WDR88: variants seen among roughly 807,000 people sequenced by gnomAD.
WDR88 encodes WD repeat-containing protein 88.
WDR88 carries 40 observed loss-of-function variants against 46.8 expected under a neutral mutation model. That is an observed-to-expected ratio of 0.86 (90% CI 0.66 to 1.11). The LOEUF (loss-of-function observed/expected upper bound fraction) is 1.11, where lower values mean the gene tolerates loss of function less well. Ranked by LOEUF, WDR88 falls within the 50% of genes most tolerant of loss-of-function variation. The pLI is 0.00. For missense variants in WDR88, 562 were observed against 602.4 expected, an observed-to-expected ratio of 0.93 and a Z score of 0.70; for synonymous variants, 235 against 240.7, an observed-to-expected ratio of 0.98 and a Z score of 0.22.
chr19:33,132,210 G>C lies in WDR88; in HGVS notation c.41G>C (p.Arg14Thr). 6.2e-7 allele frequency: 1 copy of C among 1,608,400 alleles called. No homozygotes were observed. Among genetic ancestry groups the C allele is most frequent in the Non-Finnish European group, 8.5e-7 (1 of 1,179,582 alleles). The change falls in exon 1 of 11, where the codon AGG (arginine) becomes ACG (threonine). Residue 14 changes from arginine (R) to threonine (T), a missense_variant. Arg to Thr is a moderately conservative substitution (Grantham distance 71). Transcript: ENST00000355868. ...PPRCSPTAHD[R>T]ECKLPPPSAP... ...CGGTGCTCCCCGACAGCCCATGACA[G>C]GGAATGCAAGTTGCCGCCACCCTCC...
chr19:33,174,149 A>C, intron 10 of WDR88: 1 of 1,535,868 alleles, frequency 6.5e-7, no homozygotes, highest in Non-Finnish European at 8.7e-7. Context: ...ATCCGCACCC[A>C]AACTGGGATC....
chr19:33,145,037 G>A, intron 3 of WDR88, 105 bp downstream of exon 3: 2 of 1,078,732 alleles, frequency 1.9e-6, no homozygotes, highest in Non-Finnish European at 2.8e-6. Flanking sequence ...AATAGATATG[G>A]GGTCTCACCA....
At chr19:33,137,624 T>C in intron 1 of WDR88, 53 bp from the exon 2 acceptor site, 2 of 1,441,402 alleles carry the variant, frequency 1.4e-6, no homozygotes, top group Admixed American at 3.6e-5. Context: ...CTGTTGTACA[T>C]TGATTTTGTG....
intron 6 of WDR88, among the ~76,000 whole-genome samples, chr19:33,155,020 A>G (rs1359462099): frequency 6.6e-6 from 1 of 152,216 alleles, no homozygotes. Context: ...TGCTTACAAG[A>G]GGAGGTGAGA....
intron 1 of WDR88, among the ~76,000 whole-genome samples, chr19:33,133,817 C>T (rs775206784): frequency 2.6e-5 from 4 of 152,182 alleles, no homozygotes; most frequent in African/African-American, 4.8e-5. Flanking sequence ...CACGGTATTG[C>T]GCTCTTGGGG....
intron 10 of WDR88, chr19:33,174,109 C>T: frequency 6.6e-7 from 1 of 1,510,404 alleles, no homozygotes; most frequent in Non-Finnish European, 8.9e-7. Flanking sequence ...GCCTCAGCCT[C>T]CCAAAGTGCT....
At chr19:33,140,932 T>TA (rs1156289115) in intron 2 of WDR88, among the ~76,000 whole-genome samples, 22 of 139,712 alleles carry the variant, frequency 1.6e-4, no homozygotes, top group African/African-American at 5.9e-4. Flanking sequence ...CTACCAAACT[T>TA]ACATTTTTTT....
At chr19:33,148,670 C>T in intron 4 of WDR88, 102 bp from the exon 5 acceptor site, 1 of 1,436,518 alleles carries the variant, frequency 7.0e-7, no homozygotes, top group Non-Finnish European at 9.6e-7. Context: ...GGCTCCTGGT[C>T]TCAAGCGATC....
chr19:33,169,566 C>T (rs1974003006), intron 9 of WDR88, among the ~76,000 whole-genome samples: 1 of 146,526 alleles, frequency 6.8e-6, no homozygotes, highest in Non-Finnish European at 1.5e-5. Context: ...ATTAGGGGGT[C>T]TATAATAAAA....
chr19:33,142,885 G>A (rs973705512), intron 2 of WDR88: 9 of 140,792 alleles, frequency 6.4e-5, no homozygotes, highest in East Asian at 2.1e-4. Context: ...AAAAAAGGCC[G>A]GGGGGCGGGA....
intron 7 of WDR88, among the ~76,000 whole-genome samples, chr19:33,160,084 G>A (rs925359971): frequency 6.6e-6 from 1 of 152,100 alleles, no homozygotes; most frequent in African/African-American, 2.4e-5. Context: ...GTGGTAATAC[G>A]AGCGATGGGG....
Position 33,148,879 on chromosome 19 carries a change from C to A in WDR88, c.648C>A (p.Ala216=). Residue 216 remains alanine (A), a synonymous_variant, in exon 5 of 11, where the codon GCC becomes GCA. Transcript: ENST00000355868. ...ATCATGGAATCTGCATAATGGACGC[C>A]GAGAACATCACCACCGTTTCCGTCA... The part of the protein sequence containing the change: ...DVDHGICIMD[A]ENITTVSVIK... 6.2e-7 allele frequency: 1 copy of A among 1,614,040 alleles called. No individual in the cohort carries two copies. The highest frequency in any genetic ancestry group is 8.5e-7 in the Non-Finnish European group (1 of 1,180,026).
chr19:33,170,719 G>A (rs73571959), intron 9 of WDR88, among the ~76,000 whole-genome samples: 3 of 151,850 alleles, frequency 2.0e-5, no homozygotes, highest in Non-Finnish European at 2.9e-5. Context: ...AATATTAGTG[G>A]GGTATGGTGG....
intron 9 of WDR88, among the ~76,000 whole-genome samples, chr19:33,171,729 G>C (rs1974041792): frequency 6.6e-6 from 1 of 151,992 alleles, no homozygotes; most frequent in Non-Finnish European, 1.5e-5. Flanking sequence ...GTATATTTTT[G>C]CCAAATGCAT....
In WDR88 at chr19:33,160,412, A is replaced by C. The variant is rs1419769231; in HGVS notation, c.998-2A>C. The C allele has an allele frequency of 1.9e-6, 3 of 1,613,984 alleles. No individual in the cohort carries two copies. In the African/African-American group the frequency reaches 4.0e-5, roughly 22 times the overall value. On this transcript the variant is annotated splice_acceptor_variant, in intron 7 of 10. Transcript: ENST00000355868. LOFTEE classifies it high-confidence loss of function. ...TCTCCACCCTTTCATTTTCTGTTGCAGGCTCTTTTCTCATTTCTGGAGGGT... is the reference window on the plus strand; with the variant it reads ...TCTCCACCCTTTCATTTTCTGTTGCCGGCTCTTTTCTCATTTCTGGAGGGT...
chr19:33,157,056 G>C (rs149026131), intron 7 of WDR88, among the ~76,000 whole-genome samples: 107 of 152,226 alleles, frequency 7.0e-4, no homozygotes, highest in Non-Finnish European at 1.2e-3. Context: ...AATTAGCTGG[G>C]TGTGGTGGTG....
chr19:33,149,448 C>T (rs575975346), intron 5 of WDR88, among the ~76,000 whole-genome samples: 1 of 152,300 alleles, frequency 6.6e-6, no homozygotes, highest in South Asian at 2.1e-4. Context: ...CAATGTTCGG[C>T]TCCAACCTCA....
At chr19:33,149,800 C>T (rs1973596397) in intron 5 of WDR88, among the ~76,000 whole-genome samples, 1 of 152,020 alleles carries the variant, frequency 6.6e-6, no homozygotes, top group African/African-American at 2.4e-5. Context: ...GCTGGGATTA[C>T]AGGCACCCAC....
intron 2 of WDR88, among the ~76,000 whole-genome samples, chr19:33,143,023 A>T (rs1032263509): frequency 4.6e-5 from 7 of 151,702 alleles, no homozygotes; most frequent in African/African-American, 1.7e-4. Context: ...CCAGAGGATT[A>T]AGAAAGGGTT....
Sources: gnomAD v4.1 joint callset for allele counts (sites outside exome capture counted in the v4.1 genomes callset) on GRCh38, gnomAD v4.1.1 for gene constraint, MANE v1.5 for transcripts, NCBI Gene and HGNC (gene_info 2026-07-23, HGNC 2026-07-21) for gene names.